The following TIMM44 variants were observed in gnomAD, a reference collection of about 807,000 sequenced individuals.
TIMM44 encodes the protein mitochondrial import inner membrane translocase subunit TIM44.
In TIMM44, 37 loss-of-function variants were observed where a neutral mutation model predicts 63.8. The ratio of observed to expected loss-of-function variants is 0.58; its 90% CI spans 0.45 to 0.76. The LOEUF (loss-of-function observed/expected upper bound fraction) is 0.76, where lower values mean the gene tolerates loss of function less well. TIMM44 is among the 30% of genes least tolerant of loss of function. The probability of loss-of-function intolerance (pLI) is 0.00; values close to 1 mark genes in which losing one functional copy is unlikely to be tolerated. For synonymous variants in TIMM44, 239 were observed against 245.1 expected (o/e 0.98, Z 0.23); for missense variants, 573 against 603.8 (o/e 0.95, Z 0.54).
At chr19:7,932,585 G>C (rs1472746766) in intron 9 of TIMM44, 42 bp downstream of exon 9, 2 of 1,607,538 alleles carry the variant, frequency 1.2e-6, no homozygotes, top group Non-Finnish European at 1.7e-6. Flanking sequence ...GGTGGAGCCA[G>C]GACCTGCCGC....
In TIMM44 at chr19:7,928,186, C is replaced by G. The variant is rs749841411; in HGVS notation, c.1039-20G>C. 3.7e-6 allele frequency: 6 copies of G among 1,607,224 alleles called. No individual in the cohort carries two copies. In the African/African-American group the frequency reaches 6.7e-5, roughly 18 times the overall value. ...GTAAGTCTGCAATGAGAGGCCGACA[C>G]GCCTGCGTGATGCCACCCAGGGTGG... On this transcript the variant is annotated intron_variant, in intron 10 of 12. Transcript: ENST00000270538.
intron 1 of TIMM44, 52 bp from the exon 2 acceptor site, chr19:7,941,249 G>T: frequency 7.2e-7 from 1 of 1,393,208 alleles, no homozygotes; most frequent in Non-Finnish European, 1.0e-6. Context: ...GGTTGACTGA[G>T]AAGTAAGCAG....
At position 7,932,905 on chromosome 19, in the gene TIMM44, T is replaced by C. The variant is rs753908279; in HGVS notation, c.797A>G (p.Asp266Gly). 2 of 1,614,190 alleles carry C rather than the reference T, an allele frequency of 1.2e-6. No individual in the cohort carries two copies. The highest frequency in any genetic ancestry group is 1.7e-6 in the Non-Finnish European group (2 of 1,180,026). Residue 266 changes from aspartate (D) to glycine (G), a missense_variant, in exon 8 of 13, where the codon GAC becomes GGC. Coordinates refer to ENST00000270538, the MANE Select transcript of TIMM44 (RefSeq NM_006351.4). ...NRFFEMKMKY[D>G]ESDNAFIRAS... ...CCGGATGAACGCGTTGTCGCTTTCGTCATACTTCATCTTCATCTCGAAGAA... is the reference window on the plus strand; with the variant it reads ...CCGGATGAACGCGTTGTCGCTTTCGCCATACTTCATCTTCATCTCGAAGAA...
At chr19:7,932,412 GA>G in intron 9 of TIMM44, 1 of 616,588 alleles carries the variant, frequency 1.6e-6, no homozygotes, top group South Asian at 2.0e-5. Flanking sequence ...AACAGACCTG[GA>G]GGTACCGGAG....
chr19:7,931,036 G>C, intron 10 of TIMM44, 102 bp downstream of exon 10: 1 of 1,090,142 alleles, frequency 9.2e-7, no homozygotes, highest in Non-Finnish European at 1.4e-6. Context: ...CCCAGGTCCT[G>C]CCTGTTGGGA....
chr19:7,927,383 G>T, intron 12 of TIMM44, 77 bp from the exon 13 acceptor site: 1 of 1,566,252 alleles, frequency 6.4e-7, no homozygotes, highest in Non-Finnish European at 8.7e-7. Flanking sequence ...GCCAGGCTCT[G>T]TGGGGCAGGA....
Position 7,932,712 on chromosome 19 carries a change from G to A in TIMM44, c.902C>T (p.Thr301Met), listed in dbSNP as rs748340680. 5 of 1,614,160 alleles carry A rather than the reference G, an allele frequency of 3.1e-6. No homozygotes were observed. Among genetic ancestry groups the A allele is most frequent in the Non-Finnish European group, 2.5e-6 (3 of 1,180,022 alleles). ...GGCCGGGTCCACCCGGAGGATCTCCGTGAGCACCTCCGACATCTCTGTCTT... is the reference window on the plus strand; with the variant it reads ...GGCCGGGTCCACCCGGAGGATCTCCATGAGCACCTCCGACATCTCTGTCTT... ...FSKTEMSEVL[T>M]EILRVDPAFD... Residue 301 changes from threonine to methionine, a missense_variant, in exon 9 of 13, where the codon ACG becomes ATG. Thr to Met is a moderately conservative substitution (Grantham distance 81). Transcript: ENST00000270538.
intron 2 of TIMM44, among the ~76,000 whole-genome samples, chr19:7,939,221 TG>T (rs781630943): frequency 3.9e-4 from 60 of 152,136 alleles, no homozygotes; most frequent in Non-Finnish European, 7.9e-4. Context: ...AATAGAAAAC[TG>T]TGTGCCAGAT....
intron 9 of TIMM44, chr19:7,931,439 C>A: frequency 1.9e-6 from 1 of 524,502 alleles, no homozygotes. Flanking sequence ...AGGAGGCACC[C>A]CACAGGGGGA....
chr19:7,928,382 T>C (rs1343700241), intron 10 of TIMM44: 1 of 571,968 alleles, frequency 1.7e-6, no homozygotes, highest in African/African-American at 1.9e-5. Context: ...TCTATCCAGA[T>C]GACCCAATGA....
chr19:7,929,930 C>G (rs1349712311), intron 10 of TIMM44, among the ~76,000 whole-genome samples: 1 of 151,782 alleles, frequency 6.6e-6, no homozygotes, highest in Non-Finnish European at 1.5e-5. Flanking sequence ...CTCACTGCAG[C>G]CTCCGCCTCC....
intron 12 of TIMM44, 99 bp from the exon 13 acceptor site, chr19:7,927,405 C>T (rs1983845631): frequency 1.4e-6 from 2 of 1,456,416 alleles, no homozygotes; most frequent in Non-Finnish European, 9.5e-7. Context: ...CCACCGGCAA[C>T]TTCCCCAGGG....
Position 7,933,905 on chromosome 19 carries a change from C to T in TIMM44, c.642G>A (p.Ala214=), listed in dbSNP as rs758069252. 6.2e-6 allele frequency: 10 copies of T among 1,614,194 alleles called. No homozygotes were observed. Among genetic ancestry groups the T allele is most frequent in the South Asian group, 5.5e-5 (5 of 91,086 alleles). The change falls in exon 6 of 13, where the codon GCG becomes GCA. Residue 214 remains alanine, a synonymous_variant. Transcript: ENST00000270538. The surrounding 1 kb of genome is among the most constrained non-coding windows in gnomAD (Gnocchi z 4.3). ...PQRLRKRTEF[A]GDKFKEEKVF... Reference sequence around the variant, plus strand: ...CTTTCTCCTCCTTGAACTTATCTCCCGCAAACTCCGTTCTCTTCCGGAGTC... The same window carrying T: ...CTTTCTCCTCCTTGAACTTATCTCCTGCAAACTCCGTTCTCTTCCGGAGTC...
chr19:7,933,736 C>T lies in TIMM44; in HGVS notation c.683+128G>A, dbSNP rs1461301247. 6.1e-6 allele frequency: 9 copies of T among 1,479,334 alleles called. No individual in the cohort carries two copies. Among genetic ancestry groups the T allele is most frequent in the Middle Eastern group, 3.9e-4 (2 of 5,182 alleles). The allele number at this position is 1,479,334 out of a possible 1,614,324, so 91.6% of individuals were successfully genotyped here. Reference sequence around the variant, plus strand: ...CTCTCACCCTCAAATTCGAGGGAGCCGGGAACCTTGGGCAGAAGGCAAACT... The same window carrying T: ...CTCTCACCCTCAAATTCGAGGGAGCTGGGAACCTTGGGCAGAAGGCAAACT... On this transcript the variant is annotated intron_variant, in intron 6 of 12. Transcript: ENST00000270538. The surrounding 1 kb of genome is among the most constrained non-coding windows in gnomAD (Gnocchi z 4.3).
Position 7,941,118 on chromosome 19 carries a change from C to T in TIMM44, c.125G>A (p.Gly42Asp). The T allele has an allele frequency of 6.2e-7, 1 of 1,614,010 alleles. No individual in the cohort carries two copies. The highest frequency in any genetic ancestry group is 8.5e-7 in the Non-Finnish European group (1 of 1,179,966). The change falls in exon 2 of 13, where the codon GGC (glycine) becomes GAC (aspartate). Residue 42 changes from glycine (G) to aspartate (D), a missense_variant. Gly to Asp is a moderately conservative substitution (Grantham distance 94). Transcript: ENST00000270538. ...GTCACTCACCAGTGGCAGCTCTCCG[C>T]CCGGCCGGCGCATCTGATAGGTCGA... ...HGSTYQMRRP[G>D]GELPLSKSYS...
At chr19:7,931,065 C>A in intron 10 of TIMM44, 73 bp downstream of exon 10, 1 of 1,475,546 alleles carries the variant, frequency 6.8e-7, no homozygotes, top group Non-Finnish European at 9.4e-7. Flanking sequence ...AACGGAGCCA[C>A]CGAAGTGGAA....
intron 3 of TIMM44, among the ~76,000 whole-genome samples, chr19:7,936,816 T>C (rs1984167282): frequency 3.3e-5 from 5 of 151,434 alleles, no homozygotes; most frequent in South Asian, 2.1e-4. Context: ...AAAAGATATA[T>C]AGGGCTGGGC....
chr19:7,932,816 G>A (rs373563491), intron 8 of TIMM44, 24 bp downstream of exon 8: 457 of 1,614,018 alleles, frequency 2.8e-4, no homozygotes, highest in Non-Finnish European at 3.3e-4. Flanking sequence ...ACCAGCCTGC[G>A]AGGTCCAGGG....
Position 7,935,167 on chromosome 19 carries a change from C to CTTTT in TIMM44, c.313-26_313-23dup, listed in dbSNP as rs753419157. 1.8e-3 allele frequency: 2,208 copies of CTTTT among 1,250,282 alleles called. 13 individuals are homozygous for CTTTT. Among genetic ancestry groups the CTTTT allele is most frequent in the Middle Eastern group, 2.6e-3 (11 of 4,222 alleles). The allele number at this position is 1,250,282 out of a possible 1,614,324, so 77.4% of individuals were successfully genotyped here. A position where few individuals can be genotyped will look rare whatever the true frequency, so the allele number is the denominator to read the frequency against. On this transcript the variant is annotated intron_variant, in intron 3 of 12. Coordinates refer to ENST00000270538, the MANE Select transcript of TIMM44 (RefSeq NM_006351.4). Reference sequence around the variant, plus strand: ...TTTTCTAGGTAAAGAGCGCTGTGTCCTTTTTTTTTTTTTTTTTTTTGAGAC... The same window carrying CTTTT: ...TTTTCTAGGTAAAGAGCGCTGTGTCCTTTTTTTTTTTTTTTTTTTTTTTTGAGAC...
Sources: allele counts gnomAD v4.1 joint callset (sites outside exome capture counted in the v4.1 genomes callset), GRCh38; gene constraint gnomAD v4.1.1; non-coding constraint Gnocchi (gnomAD v3.1); transcripts MANE v1.5; gene names NCBI Gene and HGNC (gene_info 2026-07-23, HGNC 2026-07-21).